Variants in DSG2 observed in about 807,000 individuals in gnomAD.
The protein encoded by DSG2 is desmoglein 2, also known as desmoglein-2.
DSG2 carries 45 observed loss-of-function variants against 75.6 expected under a neutral mutation model. The observed-to-expected ratio is 0.60, with a 90% CI of 0.47 to 0.76. DSG2 has a LOEUF of 0.76. Among genes scored for constraint, DSG2 ranks in the 30% least tolerant of loss-of-function variants. The pLI, the probability that DSG2 is intolerant of heterozygous loss-of-function variation, is 0.00. For missense variants in DSG2, 1,267 were observed against 1,357.4 expected (o/e 0.93, Z 1.05); for synonymous variants, 429 against 483.9 (o/e 0.89, Z 1.49).
chr18:31,539,673 C>T (rs2073254549), intron 12 of DSG2, among the ~76,000 whole-genome samples: 1 of 152,210 alleles, frequency 6.6e-6, no homozygotes, highest in South Asian at 2.1e-4. Context: ...AGGGCCGCCT[C>T]CAAGGCAGCC....
At position 31,536,259 on chromosome 18, in the gene DSG2, A is replaced by C. The variant is rs193298428; in HGVS notation, c.1481A>C (p.Asp494Ala). 8.1e-5 allele frequency: 131 copies of C among 1,614,226 alleles called. 1 individual carries two copies. In the East Asian group the frequency reaches 2.9e-3, roughly 35 times the overall value. The change falls in exon 11 of 15, where the codon GAC becomes GCC. Residue 494 changes from aspartate (D) to alanine (A), a missense_variant. Coordinates refer to ENST00000261590, the MANE Select transcript of DSG2 (RefSeq NM_001943.5). Reference sequence around the variant, plus strand: ...CTTATCAATGTTGAAGACATCAACGACAACTGTCCCACACTGATAGAGCCT... The same window carrying C: ...CTTATCAATGTTGAAGACATCAACGCCAACTGTCCCACACTGATAGAGCCT... ...TVLINVEDIN[D>A]NCPTLIEPVQ...
chr18:31,501,731 T>C (rs180962483), intron 1 of DSG2, among the ~76,000 whole-genome samples: 4 of 152,360 alleles, frequency 2.6e-5, no homozygotes, highest in Non-Finnish European at 5.9e-5. Flanking sequence ...TCGGTTGTAC[T>C]GGATTATGCC....
chr18:31,524,418 C>T (rs759773040), intron 6 of DSG2, 30 bp from the exon 7 acceptor site: 2 of 1,613,900 alleles, frequency 1.2e-6, no homozygotes, highest in African/African-American at 2.7e-5. Context: ...ACTCTTTTCA[C>T]CCAGCTGGAC....
In DSG2 at chr18:31,542,561, A is replaced by C. The variant is rs780836969; in HGVS notation, c.2043A>C (p.Leu681=). 3 of 1,614,046 alleles carry C rather than the reference A, an allele frequency of 1.9e-6. No individual in the cohort carries two copies. In the South Asian group the frequency reaches 3.3e-5, roughly 18 times the overall value. ...SFLPVDQGGS[L]VGRNGVGGMA... ...TGCCAGTGGATCAAGGGGGCAGTCT[A>C]GTAGGAAGAAATGGAGTAGGAGGTA... The change falls in exon 14 of 15, where the codon CTA becomes CTC. Residue 681 remains leucine (L), a synonymous_variant. Transcript: ENST00000261590.
chr18:31,515,792 C>G (rs1011550212), intron 1 of DSG2, among the ~76,000 whole-genome samples: 1 of 152,140 alleles, frequency 6.6e-6, no homozygotes, highest in South Asian at 2.1e-4. Context: ...AGAACATGAA[C>G]TGACAATGGA....
At chr18:31,510,485 T>G (rs1052455515) in intron 1 of DSG2, among the ~76,000 whole-genome samples, 1 of 152,076 alleles carries the variant, frequency 6.6e-6, no homozygotes, top group Non-Finnish European at 1.5e-5. Flanking sequence ...TTGTTTAAAC[T>G]CATCAAGGTG....
At chr18:31,505,981 G>A (rs1341290092) in intron 1 of DSG2, among the ~76,000 whole-genome samples, 1 of 152,144 alleles carries the variant, frequency 6.6e-6, no homozygotes, top group Non-Finnish European at 1.5e-5. Context: ...TAAATTTTAT[G>A]CATTTAGCAG....
chr18:31,509,392 C>A (rs2073055188), intron 1 of DSG2, among the ~76,000 whole-genome samples: 1 of 151,040 alleles, frequency 6.6e-6, no homozygotes, highest in Non-Finnish European at 1.5e-5. Context: ...ATCTAAAGTT[C>A]AAATTCAGAG....
At position 31,536,542 on chromosome 18, in the gene DSG2, G is replaced by T. The variant is rs868693860; in HGVS notation, c.1651+113G>T. ...ATATTTCCAATATAGTTTTTTAAAG[G>T]AGTTTATGAAATGAGGTCCTGAACC... On this transcript the variant is annotated intron_variant, in intron 11 of 14. Coordinates refer to ENST00000261590, the MANE Select transcript of DSG2 (RefSeq NM_001943.5). 46 of 1,200,510 alleles carry T rather than the reference G, an allele frequency of 3.8e-5. No individual in the cohort carries two copies. In the African/African-American group the frequency reaches 5.9e-4, roughly 15 times the overall value. 74.4% of individuals were successfully genotyped at this position (1,200,510 alleles called of 1,614,324 possible).
intron 8 of DSG2, among the ~76,000 whole-genome samples, chr18:31,527,454 G>A (rs1342349008): frequency 6.6e-6 from 1 of 152,118 alleles, no homozygotes; most frequent in Non-Finnish European, 1.5e-5. Flanking sequence ...TCTATCAAGA[G>A]GGATGTGGAT....
intron 14 of DSG2, chr18:31,543,182 G>A (rs963232158): frequency 1.4e-5 from 3 of 209,514 alleles, no homozygotes; most frequent in Non-Finnish European, 2.9e-5. Context: ...AGAGCAGATT[G>A]TACCTGGGAA....
chr18:31,501,733 G>C (rs1465097798), intron 1 of DSG2, among the ~76,000 whole-genome samples: 1 of 152,142 alleles, frequency 6.6e-6, no homozygotes, highest in Non-Finnish European at 1.5e-5. Flanking sequence ...GGTTGTACTG[G>C]ATTATGCCCC....
At chr18:31,541,155 G>A in intron 12 of DSG2, 38 bp from the exon 13 acceptor site, 1 of 1,613,802 alleles carries the variant, frequency 6.2e-7, no homozygotes, top group Non-Finnish European at 8.5e-7. Context: ...AATATATCAA[G>A]GTTAACCTTA....
chr18:31,525,076 A>G (rs913557249), intron 8 of DSG2, among the ~76,000 whole-genome samples, 188 bp downstream of exon 8: 2 of 152,194 alleles, frequency 1.3e-5, no homozygotes, highest in Non-Finnish European at 2.9e-5. Flanking sequence ...CTATGGTTCA[A>G]ATTCATATCA....
At chr18:31,542,276 G>C (rs1304454623) in intron 13 of DSG2, 1 of 571,352 alleles carries the variant, frequency 1.8e-6, no homozygotes, top group Non-Finnish European at 3.1e-6. Context: ...TAGAGTAAAG[G>C]AGCTGAGACT....
At chr18:31,519,983 G>A in intron 3 of DSG2, 46 bp downstream of exon 3, 1 of 1,612,902 alleles carries the variant, frequency 6.2e-7, no homozygotes, top group Non-Finnish European at 8.5e-7. Context: ...TGACTAAAAT[G>A]TGGTGTGAGA....
intron 8 of DSG2, among the ~76,000 whole-genome samples, chr18:31,527,838 G>A (rs546943388): frequency 1.3e-5 from 2 of 152,346 alleles, no homozygotes; most frequent in African/African-American, 4.8e-5. Flanking sequence ...AGCAGATGCA[G>A]TGTCTGGGCA....
In DSG2 at chr18:31,531,184, A is replaced by G; in HGVS notation, c.1212A>G (p.Ser404=). ...ATGTTAGCGAGAGCATGGATAGATCAAGCAAAGGCCAAATAATTGGAAATT... is the reference window on the plus strand; with the variant it reads ...ATGTTAGCGAGAGCATGGATAGATCGAGCAAAGGCCAAATAATTGGAAATT... ...SIYVSESMDR[S]SKGQIIGNFQ... Residue 404 remains serine, a synonymous_variant, in exon 9 of 15, where the codon TCA becomes TCG. Transcript: ENST00000261590. The G allele has an allele frequency of 6.2e-7, 1 of 1,614,204 alleles. No individual in the cohort carries two copies.
intron 6 of DSG2, 36 bp downstream of exon 6, chr18:31,522,285 C>T (rs2073133430): frequency 1.3e-6 from 2 of 1,583,054 alleles, no homozygotes; most frequent in African/African-American, 1.3e-5. Context: ...TCTTTAAACT[C>T]TCTATCCTTT....
Sources: allele counts gnomAD v4.1 joint callset (sites outside exome capture counted in the v4.1 genomes callset), GRCh38; gene constraint gnomAD v4.1.1; transcripts MANE v1.5; gene names NCBI Gene and HGNC (gene_info 2026-07-23, HGNC 2026-07-21).